The following YTHDC2 variants were observed in gnomAD, a reference collection of about 807,000 sequenced individuals.
The protein encoded by YTHDC2 is YTH N6-methyladenosine RNA binding protein C2, also known as 3'-5' RNA helicase YTHDC2.
In YTHDC2, 45 loss-of-function variants were observed where a neutral mutation model predicts 174.9. The observed-to-expected ratio is 0.26, with a 90% CI of 0.20 to 0.33. YTHDC2 has a LOEUF of 0.33. YTHDC2 is among the 10% of genes least tolerant of loss of function. The probability of loss-of-function intolerance (pLI) is 1.00; values close to 1 mark genes in which losing one functional copy is unlikely to be tolerated. For missense variants in YTHDC2, 1,650 were observed against 1,723.7 expected (o/e 0.96, Z 0.76); for synonymous variants, 657 against 574.5 (o/e 1.14, Z -2.05).
chr5:113,585,064 G>A (rs1399578704), intron 26 of YTHDC2, among the ~76,000 whole-genome samples: 1 of 152,026 alleles, frequency 6.6e-6, no homozygotes, highest in South Asian at 2.1e-4. Flanking sequence ...ACAGGTGTGA[G>A]CCACCATGCC....
At chr5:113,533,111 A>T (rs1036552853) in intron 5 of YTHDC2, 66 bp downstream of exon 5, 4 of 1,538,274 alleles carry the variant, frequency 2.6e-6, no homozygotes, top group Non-Finnish European at 3.5e-6. Flanking sequence ...TATTTCACTA[A>T]AAATAGAGGA....
intron 5 of YTHDC2, among the ~76,000 whole-genome samples, chr5:113,533,556 A>G (rs1366808826): frequency 1.3e-5 from 2 of 152,066 alleles, no homozygotes; most frequent in Non-Finnish European, 2.9e-5. Flanking sequence ...TCAAAAAAAA[A>G]AAAAAATTCC....
chr5:113,553,008 C>T (rs1392187990), intron 12 of YTHDC2, among the ~76,000 whole-genome samples, 173 bp from the exon 13 acceptor site: 2 of 151,938 alleles, frequency 1.3e-5, no homozygotes, highest in Non-Finnish European at 1.5e-5. Context: ...CATTCATTGC[C>T]AAATTTTACT....
chr5:113,572,081 T>G (rs1006058122), intron 23 of YTHDC2, among the ~76,000 whole-genome samples: 2 of 152,236 alleles, frequency 1.3e-5, no homozygotes, highest in Non-Finnish European at 2.9e-5. Flanking sequence ...CTTGAAATCT[T>G]TCTAGCTTTC....
At chr5:113,538,940 A>T in intron 7 of YTHDC2, 134 bp from the exon 8 acceptor site, 1 of 491,404 alleles carries the variant, frequency 2.0e-6, no homozygotes, top group South Asian at 2.9e-5. Context: ...AAAGGACAAT[A>T]TTATAAGAGT....
intron 26 of YTHDC2, among the ~76,000 whole-genome samples, chr5:113,585,170 ATTG>A (rs1186300696): frequency 6.6e-6 from 1 of 151,950 alleles, no homozygotes; most frequent in Non-Finnish European, 1.5e-5. Flanking sequence ...GTTTCTTTCT[ATTG>A]TTAATTGGTT....
chr5:113,581,871 A>C (rs1580642132), intron 25 of YTHDC2, 162 bp downstream of exon 25: 1 of 554,362 alleles, frequency 1.8e-6, no homozygotes, highest in Non-Finnish European at 2.8e-6. Context: ...CTACTTGTTC[A>C]ACTTAATTCT....
At chr5:113,521,262 T>A (rs1288323763) in intron 2 of YTHDC2, among the ~76,000 whole-genome samples, 1 of 152,174 alleles carries the variant, frequency 6.6e-6, no homozygotes, top group African/African-American at 2.4e-5. Flanking sequence ...TAAGTAATTT[T>A]CCTGAGATCA....
chr5:113,589,823 A>G (rs370141488), intron 26 of YTHDC2, among the ~76,000 whole-genome samples: 31 of 152,190 alleles, frequency 2.0e-4, no homozygotes, highest in African/African-American at 6.0e-4. Context: ...TATTTATAAC[A>G]GATGCTTTAA....
rs180736465 is a variant in YTHDC2 at position 113,584,108 on chromosome 5, T to C, written c.3648-194T>C. 5.5e-4 allele frequency: 223 copies of C among 402,438 alleles called. 1 individual carries two copies. The Admixed American group carries it at 8.1e-3, about 15-fold the overall frequency. 24.9% of individuals were successfully genotyped at this position (402,438 alleles called of 1,614,324 possible). A position where few individuals can be genotyped will look rare whatever the true frequency, so the allele number is the denominator to read the frequency against. On this transcript the variant is annotated intron_variant, in intron 25 of 29. Coordinates refer to ENST00000161863, the MANE Select transcript of YTHDC2 (RefSeq NM_022828.5). ...TGCTCAGGATCTCATACCTAGTTAG[T>C]TGTAAATTTAGAACTGCCATAGACA... is the stretch of plus-strand genomic sequence containing the variant.
At chr5:113,579,716 G>T in intron 24 of YTHDC2, 21 bp downstream of exon 24, 1 of 1,574,678 alleles carries the variant, frequency 6.4e-7, no homozygotes, top group African/African-American at 1.4e-5. Context: ...TTCAAGTAGT[G>T]TAATAAATTT....
Position 113,564,004 on chromosome 5 carries a change from C to T in YTHDC2, c.2588C>T (p.Thr863Ile). The T allele has an allele frequency of 1.9e-6, 3 of 1,614,108 alleles. No homozygotes were observed. Among genetic ancestry groups the T allele is most frequent in the East Asian group, 2.2e-5 (1 of 44,858 alleles). The change falls in exon 20 of 30, where the codon ACA (threonine) becomes ATA (isoleucine). Residue 863 changes from threonine (T) to isoleucine (I), a missense_variant. Thr to Ile is a moderately conservative substitution (Grantham distance 89). Around this residue, in one of 5 missense-constraint regions of YTHDC2, gnomAD observed 913 missense variants for 940.4 expected, o/e 0.97. Transcript: ENST00000161863. ...GACCCCATCCTTACAATTGCTTGCACACTAGCTTATCGAGATCCTTTTGTA... is the reference window on the plus strand; with the variant it reads ...GACCCCATCCTTACAATTGCTTGCATACTAGCTTATCGAGATCCTTTTGTA... ...CLDPILTIACTLAYRDPFVLP... is the reference protein window; with the variant it reads ...CLDPILTIACILAYRDPFVLP...
At position 113,540,978 on chromosome 5, in the gene YTHDC2, A is replaced by G. The variant is rs368700965; in HGVS notation, c.1221A>G (p.Gln407=). 179 of 1,611,530 alleles carry G rather than the reference A, an allele frequency of 1.1e-4. No homozygotes were observed. In the Middle Eastern group the frequency reaches 1.6e-3, roughly 15 times the overall value. ...YKKEKQQEEK[Q]QTTLTEWYSA... The stretch of plus-strand genomic sequence containing the variant: ...TGATAATTAATTTAGAAGAGAAACA[A>G]CAAACCACACTTACAGAATGGTACT... Residue 407 remains glutamine (Q), a synonymous_variant, in exon 9 of 30, where the codon CAA becomes CAG. Transcript: ENST00000161863.
At chr5:113,558,921 CAAAAA>C (rs60017425) in intron 17 of YTHDC2, among the ~76,000 whole-genome samples, 1 of 121,310 alleles carries the variant, frequency 8.2e-6, no homozygotes, top group Non-Finnish European at 1.8e-5. Flanking sequence ...GACTCCGTCT[CAAAAA>C]AAAAAAAAAA....
chr5:113,533,421 T>C (rs983872794), intron 5 of YTHDC2, among the ~76,000 whole-genome samples: 3 of 151,596 alleles, frequency 2.0e-5, no homozygotes, highest in Non-Finnish European at 2.9e-5. Flanking sequence ...TGGTGGTGCA[T>C]GCCTGTAATC....
intron 6 of YTHDC2, among the ~76,000 whole-genome samples, chr5:113,535,232 C>G (rs1166878036): frequency 6.6e-6 from 1 of 152,036 alleles, no homozygotes; most frequent in African/African-American, 2.4e-5. Flanking sequence ...TTGTTATTCC[C>G]TAAAGAATAC....
Position 113,525,291 on chromosome 5 carries a change from A to T in YTHDC2, c.475+114A>T, listed in dbSNP as rs1774136607. 3.3e-6 allele frequency: 3 copies of T among 922,380 alleles called. No homozygotes were observed. In the South Asian group the frequency reaches 6.0e-5, roughly 18 times the overall value. The allele number at this position is 922,380 out of a possible 1,614,324, so 57.1% of individuals were successfully genotyped here. On this transcript the variant is annotated intron_variant, in intron 3 of 29. Coordinates refer to ENST00000161863, the MANE Select transcript of YTHDC2 (RefSeq NM_022828.5). ...TGAAATAAGATTTCTCAATTGGAATAGTTTGTTAGAAATGATTAAGAGTTG... is the reference window on the plus strand; with the variant it reads ...TGAAATAAGATTTCTCAATTGGAATTGTTTGTTAGAAATGATTAAGAGTTG...
rs376456216 is a variant in YTHDC2, at chr5:113,592,115, T to C, written c.4149T>C (p.Phe1383=). 10 of 1,613,282 alleles carry C rather than the reference T, an allele frequency of 6.2e-6. No homozygotes were observed. The highest frequency in any genetic ancestry group is 7.6e-6 in the Non-Finnish European group (9 of 1,179,612). ...GAAAAGAAAGCCTTCCCTTTCAATT[T>C]GCACACCATTTACTCAATCCATGGA... ...WIRKESLPFQ[F]AHHLLNPWND... is the part of the protein sequence containing the mutation. The change falls in exon 28 of 30, where the codon TTT becomes TTC. Residue 1383 remains phenylalanine (F), a synonymous_variant. Coordinates refer to ENST00000161863, the MANE Select transcript of YTHDC2 (RefSeq NM_022828.5).
In YTHDC2 at chr5:113,581,584, G is replaced by C. The variant is rs141634861; in HGVS notation, c.3522G>C (p.Gly1174=). The change falls in exon 25 of 30, where the codon GGG becomes GGC. Residue 1174 remains glycine (G), a synonymous_variant. Transcript: ENST00000161863. The part of the protein sequence containing the change: ...EQSAGLQQPS[G]IGQRPRPMSS... ...CTGCAGGTTTACAACAACCATCTGG[G>C]ATTGGCCAAAGGCCAAGGCCTATGT... is the stretch of plus-strand genomic sequence containing the variant. The C allele has an allele frequency of 1.9e-4, 309 of 1,614,066 alleles. No individual in the cohort carries two copies. In the African/African-American group the frequency reaches 3.6e-3, roughly 19 times the overall value.
Sources: allele counts gnomAD v4.1 joint callset (sites outside exome capture counted in the v4.1 genomes callset), GRCh38; gene constraint gnomAD v4.1.1; regional missense constraint gnomAD v4.1.1; transcripts MANE v1.5; gene names NCBI Gene and HGNC (gene_info 2026-07-23, HGNC 2026-07-21).